ZNF497: variants seen among roughly 807,000 people sequenced by gnomAD.
The protein encoded by ZNF497 is zinc finger protein 497.
For missense variants in ZNF497, 930 were observed against 714.0 expected (o/e 1.30, Z -3.45); for synonymous variants, 422 against 313.7 (o/e 1.35, Z -3.65).
rs1357069195 is a variant in ZNF497 at position 58,357,397 on chromosome 19, C to T, written c.239G>A (p.Gly80Glu). ...GCTCCTGGGCCCAGCCCCGTCCCGC[C>T]CACCGTCTGCGGGGCCCAGCTCCCT... is the stretch of plus-strand genomic sequence containing the variant. The part of the protein sequence containing the change: ...PGRELGPADG[G>E]RDGAGPRSEP... Residue 80 changes from glycine (G) to glutamate (E), a missense_variant, in exon 3 of 3, where the codon GGG (glycine) becomes GAG (glutamate). Coordinates refer to ENST00000311044, the MANE Select transcript of ZNF497 (RefSeq NM_198458.3). 3.8e-6 allele frequency: 6 copies of T among 1,596,900 alleles called. No individual in the cohort carries two copies. The highest frequency in any genetic ancestry group is 5.1e-6 in the Non-Finnish European group (6 of 1,173,074).
rs555208481 is a variant in ZNF497, at chr19:58,357,042, G to T, written c.594C>A (p.Ser198=). The T allele has an allele frequency of 1.2e-6, 2 of 1,610,722 alleles. No individual in the cohort carries two copies. The highest frequency in any genetic ancestry group is 2.7e-5 in the African/African-American group (2 of 74,918). Residue 198 remains serine, a synonymous_variant, in exon 3 of 3, where the codon TCC becomes TCA. Transcript: ENST00000311044. ...GCACCAGCGTGGTGCTTCGGCCGAA[G>T]GACTTGCCGCAGTCCGGGCAGCGGA... ...KPFRCPDCGK[S]FGRSTTLVQH...
intron 1 of ZNF497, chr19:58,358,878 A>T (rs528101050): frequency 2.0e-5 from 9 of 456,662 alleles, no homozygotes; most frequent in South Asian, 9.3e-5. Context: ...AAGCACACCC[A>T]GCCCCCAGAC....
At position 58,357,325 on chromosome 19, in the gene ZNF497, G is replaced by A. The variant is rs1845359454; in HGVS notation, c.311C>T (p.Pro104Leu). 1 of 1,603,338 alleles carries A rather than the reference G, an allele frequency of 6.2e-7. No individual in the cohort carries two copies. The highest frequency in any genetic ancestry group is 8.5e-7 in the Non-Finnish European group (1 of 1,175,550). Residue 104 changes from proline to leucine, a missense_variant, in exon 3 of 3, where the codon CCG becomes CTG. Pro to Leu is a moderately conservative substitution (Grantham distance 98). Coordinates refer to ENST00000311044, the MANE Select transcript of ZNF497 (RefSeq NM_198458.3). The stretch of plus-strand genomic sequence containing the variant: ...GCCGCACTCCCCGCACCGGCAGCCC[G>A]GCTCCTCTGGGAGAGGCGAAGGGCG... ...ALRPSPLPEE[P>L]GCRCGECGKA...
intron 1 of ZNF497, among the ~76,000 whole-genome samples, chr19:58,361,776 A>C (rs926622834): frequency 6.6e-6 from 1 of 152,228 alleles, no homozygotes; most frequent in African/African-American, 2.4e-5. Flanking sequence ...TTTTAAAAAA[A>C]CGACATCTGA....
rs1214261512 is a variant in ZNF497, at chr19:58,356,113, G to A, written c.*26C>T. 2 of 1,510,656 alleles carry A rather than the reference G, an allele frequency of 1.3e-6. No homozygotes were observed. The highest frequency in any genetic ancestry group is 1.8e-6 in the Non-Finnish European group (2 of 1,133,904). The allele number at this position is 1,510,656 out of a possible 1,614,324, so 93.6% of individuals were successfully genotyped here. A position where few individuals can be genotyped will look rare whatever the true frequency, so the allele number is the denominator to read the frequency against. ...AGACCCCGCAATGCCGTGTGTCCGC[G>A]ACCTCCCGCTCAGGGCGTCCTCGGG... On this transcript the variant is annotated 3_prime_UTR_variant, in exon 3 of 3. Coordinates refer to ENST00000311044, the MANE Select transcript of ZNF497 (RefSeq NM_198458.3).
At position 58,357,544 on chromosome 19, in the gene ZNF497, T is replaced by A. The variant is rs778895216; in HGVS notation, c.92A>T (p.Glu31Val). Residue 31 changes from glutamate to valine, a missense_variant, in exon 3 of 3, where the codon GAG becomes GTG. Transcript: ENST00000311044. Reference sequence around the variant, plus strand: ...CCCCCAGCCTCCAGACACAGCCCCCTCAGAGAGGCCCCTCGTGGCAGTCTT... The same window carrying A: ...CCCCCAGCCTCCAGACACAGCCCCCACAGAGAGGCCCCTCGTGGCAGTCTT... ...NVKTATRGLS[E>V]GAVSGGWGAW... is the part of the protein sequence containing the mutation. The A allele has an allele frequency of 1.2e-6, 2 of 1,605,348 alleles. No individual in the cohort carries two copies. Among genetic ancestry groups the A allele is most frequent in the Admixed American group, 3.4e-5 (2 of 58,646 alleles).
At chr19:58,361,076 C>G (rs994927049) in intron 1 of ZNF497, among the ~76,000 whole-genome samples, 1 of 152,162 alleles carries the variant, frequency 6.6e-6, no homozygotes, top group Non-Finnish European at 1.5e-5. Flanking sequence ...GCCACGGCAC[C>G]CGGCCGGTGG....
chr19:58,359,277 C>A (rs969914081), intron 1 of ZNF497: 1 of 1,289,692 alleles, frequency 7.8e-7, no homozygotes, highest in African/African-American at 1.5e-5. Context: ...CTGCCCCTTT[C>A]CTGGGAGGGG....
At chr19:58,358,798 C>T (rs775544536) in intron 1 of ZNF497, 5 of 457,958 alleles carry the variant, frequency 1.1e-5, no homozygotes, top group South Asian at 7.7e-5. Context: ...TTCCCACAGC[C>T]CCCAGGCCCT....
At chr19:58,357,882 C>T in intron 2 of ZNF497, 2 of 1,371,366 alleles carry the variant, frequency 1.5e-6, no homozygotes, top group African/African-American at 2.9e-5. Flanking sequence ...CACATCCCCA[C>T]ACCCGGCCCG....
At chr19:58,358,186 G>A (rs2052050187) in intron 2 of ZNF497, 1 of 1,290,198 alleles carries the variant, frequency 7.8e-7, no homozygotes, top group Non-Finnish European at 1.0e-6. Flanking sequence ...GTCCAGGCTG[G>A]AGGATCTCAG....
intron 1 of ZNF497, among the ~76,000 whole-genome samples, chr19:58,360,569 C>T (rs2052080197): frequency 6.6e-6 from 1 of 151,738 alleles, no homozygotes; most frequent in African/African-American, 2.4e-5. Context: ...CGCTCTTTCA[C>T]CCAGGCTGGA....
Position 58,356,782 on chromosome 19 carries a change from C to A in ZNF497, c.854G>T (p.Arg285Leu). The change falls in exon 3 of 3, where the codon CGT (arginine) becomes CTT (leucine). Residue 285 changes from arginine (R) to leucine (L), a missense_variant. Transcript: ENST00000311044. ...CCGGTGCTGCCGCAGCCCCGCCACA[C>A]GCACGAAGGCCTTGCCGCAGTCGGG... ...ACPDCGKAFV[R>L]VAGLRQHRRT... is the part of the protein sequence containing the mutation. 3.2e-6 allele frequency: 5 copies of A among 1,577,754 alleles called. No individual in the cohort carries two copies. The highest frequency in any genetic ancestry group is 4.3e-6 in the Non-Finnish European group (5 of 1,168,220).
At position 58,357,547 on chromosome 19, in the gene ZNF497, G is replaced by A; in HGVS notation, c.89C>T (p.Ser30Phe). The stretch of plus-strand genomic sequence containing the variant: ...CCAGCCTCCAGACACAGCCCCCTCA[G>A]AGAGGCCCCTCGTGGCAGTCTTCAC... ...CNVKTATRGL[S>F]EGAVSGGWGA... Residue 30 changes from serine to phenylalanine, a missense_variant, in exon 3 of 3, where the codon TCT becomes TTT. Coordinates refer to ENST00000311044, the MANE Select transcript of ZNF497 (RefSeq NM_198458.3). 1 of 1,605,602 alleles carries A rather than the reference G, an allele frequency of 6.2e-7. No homozygotes were observed. Among genetic ancestry groups the A allele is most frequent in the Non-Finnish European group, 8.5e-7 (1 of 1,176,452 alleles).
Position 58,356,633 on chromosome 19 carries a change from ACTC to A in ZNF497, c.1000_1002del (p.Glu334del). On this transcript the variant is annotated inframe_deletion, in exon 3 of 3. Coordinates refer to ENST00000311044, the MANE Select transcript of ZNF497 (RefSeq NM_198458.3). ...GAGCCCATGACGAAAGCCTGGCCGC[ACTC>A]GGCGCACTCGAAGGGCCGCTCACCA... The A allele has an allele frequency of 6.5e-7, 1 of 1,544,970 alleles. No homozygotes were observed. Among genetic ancestry groups the A allele is most frequent in the Non-Finnish European group, 8.7e-7 (1 of 1,150,452 alleles).
chr19:58,358,706 C>T (rs995659708), intron 1 of ZNF497, 121 bp from the exon 2 acceptor site: 15 of 464,070 alleles, frequency 3.2e-5, no homozygotes, highest in Admixed American at 7.8e-5. Flanking sequence ...GGACACAATG[C>T]GGAGCACACA....
intron 1 of ZNF497, chr19:58,359,516 C>T (rs942455249): frequency 1.8e-5 from 8 of 454,982 alleles, no homozygotes; most frequent in African/African-American, 1.4e-4. Flanking sequence ...TTGTACCATC[C>T]CTTCCCCCCG....
In ZNF497 at chr19:58,357,093, C is replaced by T. The variant is rs892464482; in HGVS notation, c.543G>A (p.Gln181=). 4 of 1,608,618 alleles carry T rather than the reference C, an allele frequency of 2.5e-6. No individual in the cohort carries two copies. Among genetic ancestry groups the T allele is most frequent in the African/African-American group, 1.3e-5 (1 of 74,822 alleles). ...FRAHSQLIHH[Q]ETHSGLKPFR... ...AGGGCTTCAGGCCGCTGTGTGTCTC[C>T]TGGTGGTGGATGAGCTGCGAGTGCG... Residue 181 remains glutamine (Q), a synonymous_variant, in exon 3 of 3, where the codon CAG becomes CAA. Transcript: ENST00000311044.
At position 58,357,435 on chromosome 19, in the gene ZNF497, C is replaced by T; in HGVS notation, c.201G>A (p.Gln67=). 4.4e-6 allele frequency: 7 copies of T among 1,601,022 alleles called. No individual in the cohort carries two copies. The highest frequency in any genetic ancestry group is 6.0e-6 in the Non-Finnish European group (7 of 1,173,850). Residue 67 remains glutamine, a synonymous_variant, in exon 3 of 3, where the codon CAG becomes CAA. Transcript: ENST00000311044. The stretch of plus-strand genomic sequence containing the variant: ...GGCCCAGCTCCCTGCCGGGGCCTCC[C>T]TGTTCGTCCGCCGCCCCCAGTGTGG... The part of the protein sequence containing the change: ...QQATLGAADE[Q]GGPGRELGPA...
Sources: gnomAD v4.1 joint callset for allele counts (sites outside exome capture counted in the v4.1 genomes callset) on GRCh38, gnomAD v4.1.1 for gene constraint, MANE v1.5 for transcripts, NCBI Gene and HGNC (gene_info 2026-07-23, HGNC 2026-07-21) for gene names.